RBFOX1: variants seen among roughly 807,000 people sequenced by gnomAD.
The protein encoded by RBFOX1 is RNA binding protein fox-1 homolog 1.
Under a neutral mutation model 57.7 loss-of-function variants are expected in RBFOX1, and 8 were observed. The ratio of observed to expected loss-of-function variants is 0.14; its 90% CI spans 0.08 to 0.25. The LOEUF is 0.25. RBFOX1 is among the 10% of genes least tolerant of loss of function. RBFOX1 has a pLI of 1.00. For missense variants in RBFOX1, 611 were observed against 548.5 expected, an observed-to-expected ratio of 1.11 and a Z score of -1.14; for synonymous variants, 326 against 222.4, an observed-to-expected ratio of 1.47 and a Z score of -4.15.
chr16:6,138,584 T>TAAG (rs1408663147), intron 1 of RBFOX1, among the ~76,000 whole-genome samples: 1 of 152,112 alleles, frequency 6.6e-6, no homozygotes, highest in Non-Finnish European at 1.5e-5. Context: ...AACATAATAA[T>TAAG]AGGAGCACCA....
chr16:6,880,419 C>G (rs776874615), intron 3 of RBFOX1, among the ~76,000 whole-genome samples: 2 of 152,146 alleles, frequency 1.3e-5, no homozygotes, highest in Non-Finnish European at 2.9e-5. Flanking sequence ...GAACATGTGA[C>G]CCAGGTGCAG....
At chr16:5,972,742 G>A (rs1180886846) in intron 4 of RBFOX1, among the ~76,000 whole-genome samples, 2 of 152,158 alleles carry the variant, frequency 1.3e-5, no homozygotes, top group East Asian at 3.9e-4. Flanking sequence ...CCTGGGAGCT[G>A]CACGTGTTTC....
At chr16:6,235,907 G>A (rs1272866567) in intron 1 of RBFOX1, among the ~76,000 whole-genome samples, 1 of 152,084 alleles carries the variant, frequency 6.6e-6, no homozygotes, top group African/African-American at 2.4e-5. Flanking sequence ...TGGGTGCAGT[G>A]TATACTGCTC....
intron 4 of RBFOX1, among the ~76,000 whole-genome samples, chr16:5,870,777 C>G (rs979366011): frequency 2.0e-5 from 3 of 152,012 alleles, no homozygotes; most frequent in African/African-American, 4.8e-5. Context: ...AATGCGTGAT[C>G]CATATTCATG....
intron 1 of RBFOX1, chr16:6,037,644 G>T (rs898881516): frequency 1.3e-5 from 2 of 151,750 alleles, no homozygotes; most frequent in African/African-American, 2.4e-5. Context: ...GCCCAAGCTG[G>T]AGTGCAGTGG....
intron 2 of RBFOX1, among the ~76,000 whole-genome samples, chr16:5,568,820 T>C (rs1368824540): frequency 1.3e-5 from 2 of 152,098 alleles, no homozygotes; most frequent in Non-Finnish European, 2.9e-5. Flanking sequence ...CAACCTGGCT[T>C]GGGAAATCAT....
chr16:6,364,531 A>AT (rs1173132338), intron 2 of RBFOX1, among the ~76,000 whole-genome samples: 4 of 152,070 alleles, frequency 2.6e-5, no homozygotes, highest in African/African-American at 9.7e-5. Flanking sequence ...TCAGCTGGCC[A>AT]TTTTTCCCCA....
intron 3 of RBFOX1, among the ~76,000 whole-genome samples, chr16:5,823,949 T>C (rs770896967): frequency 6.6e-6 from 1 of 152,158 alleles, no homozygotes; most frequent in Non-Finnish European, 1.5e-5. Flanking sequence ...ATGGAAAAAT[T>C]GTCTTCCATG....
chr16:7,467,726 C>G (rs189721858), intron 4 of RBFOX1, among the ~76,000 whole-genome samples: 1 of 152,242 alleles, frequency 6.6e-6, no homozygotes, highest in East Asian at 1.9e-4. Flanking sequence ...ACTGGGACAC[C>G]CCTTATCTTC....
chr16:6,071,276 G>T (rs9936612), intron 1 of RBFOX1, among the ~76,000 whole-genome samples: 18,271 of 152,166 alleles, frequency 0.12, 1,510 homozygotes, highest in East Asian at 0.35. Flanking sequence ...AGCTGAGATT[G>T]CACCATTGCA....
intron 3 of RBFOX1, among the ~76,000 whole-genome samples, chr16:5,782,738 C>G (rs1035651916): frequency 1.3e-5 from 2 of 152,176 alleles, no homozygotes; most frequent in African/African-American, 2.4e-5. Flanking sequence ...GTCCTACAAC[C>G]TAACCAGCAA....
chr16:6,006,459 A>G (rs1396538066), intron 4 of RBFOX1, among the ~76,000 whole-genome samples: 1 of 152,140 alleles, frequency 6.6e-6, no homozygotes, highest in African/African-American at 2.4e-5. Flanking sequence ...TGCCTATTGG[A>G]GGGCATTTTG....
Position 5,889,466 on chromosome 16 carries a change from T to C in RBFOX1, c.351+22131T>C, listed in dbSNP as rs567652283. 3.3e-5 allele frequency among the ~76,000 whole-genome samples: 5 copies of C among 152,360 alleles called. No homozygotes were observed. In the South Asian group the frequency reaches 1.0e-3, roughly 32 times the overall value. ...CACATTTTCTTTATCCGTTCTATCA[T>C]TGATGGGCATTTGGGTTGATTTCAT... On this transcript the variant is annotated intron_variant, in intron 4 of 19. Coordinates refer to the RBFOX1 transcript ENST00000641259.
At chr16:5,447,356 T>A (rs915488782) in intron 1 of RBFOX1, among the ~76,000 whole-genome samples, 1 of 143,178 alleles carries the variant, frequency 7.0e-6, no homozygotes, top group Admixed American at 7.0e-5. Flanking sequence ...TCTCTCATCA[T>A]TCAATGTCAA....
intron 3 of RBFOX1, among the ~76,000 whole-genome samples, chr16:6,678,088 T>A (rs776628235): frequency 6.6e-6 from 1 of 152,206 alleles, no homozygotes; most frequent in African/African-American, 2.4e-5. Context: ...AGCCAAAGTA[T>A]TCTCATCATC....
intron 3 of RBFOX1, among the ~76,000 whole-genome samples, chr16:5,772,641 T>C (rs1418524738): frequency 6.6e-6 from 1 of 152,206 alleles, no homozygotes; most frequent in Non-Finnish European, 1.5e-5. Flanking sequence ...CGGTGATCTA[T>C]TCTGGAAGAA....
At chr16:7,356,814 G>C (rs1450774134) in intron 4 of RBFOX1, among the ~76,000 whole-genome samples, 1 of 152,212 alleles carries the variant, frequency 6.6e-6, no homozygotes, top group Non-Finnish European at 1.5e-5. Context: ...GAAGGGTTTG[G>C]AGCCAGGTTT....
intron 1 of RBFOX1, among the ~76,000 whole-genome samples, chr16:5,422,083 T>A (rs1157695332): frequency 1.3e-5 from 2 of 152,190 alleles, no homozygotes; most frequent in East Asian, 1.9e-4. Flanking sequence ...GACTCAGCCA[T>A]CTTGCTCCTG....
intron 3 of RBFOX1, among the ~76,000 whole-genome samples, chr16:6,974,735 C>T (rs552512352): frequency 6.6e-6 from 1 of 152,188 alleles, no homozygotes; most frequent in Non-Finnish European, 1.5e-5. Flanking sequence ...TTTCTTATCT[C>T]TTAACTGAAA....
Sources: gnomAD v4.1 joint callset for allele counts (sites outside exome capture counted in the v4.1 genomes callset) on GRCh38, gnomAD v4.1.1 for gene constraint, MANE v1.5 for transcripts, NCBI Gene and HGNC (gene_info 2026-07-23, HGNC 2026-07-21) for gene names.